The following LDLRAD4 variants were observed in gnomAD, a reference collection of about 807,000 sequenced individuals.
LDLRAD4 encodes the protein low density lipoprotein receptor class A domain containing 4, also known as low-density lipoprotein receptor class A domain-containing protein 4.
A neutral mutation model predicts 17.0 loss-of-function variants in LDLRAD4; 5 were observed. The observed-to-expected ratio is 0.29, with a 90% CI of 0.15 to 0.62. LDLRAD4 has a LOEUF of 0.62. LDLRAD4 is among the 20% of genes least tolerant of loss of function. The pLI is 0.84. For missense variants in LDLRAD4, 340 were observed against 424.7 expected (o/e 0.80, Z 1.75); for synonymous variants, 168 against 171.8 (o/e 0.98, Z 0.17).
chr18:13,257,174 C>T (rs1331371698), intron 1 of LDLRAD4, among the ~76,000 whole-genome samples: 1 of 152,210 alleles, frequency 6.6e-6, no homozygotes, highest in Non-Finnish European at 1.5e-5. Context: ...GGCCCTGGCT[C>T]AGAAAGGCCT....
chr18:13,542,673 G>T (rs188268530), intron 3 of LDLRAD4, among the ~76,000 whole-genome samples: 155 of 152,274 alleles, frequency 1.0e-3, no homozygotes, highest in African/African-American at 2.8e-3. Flanking sequence ...CGGGGCGGGC[G>T]GAGGTGGGTG....
chr18:13,352,324 G>T (rs1291642167), intron 1 of LDLRAD4, among the ~76,000 whole-genome samples: 1 of 152,176 alleles, frequency 6.6e-6, no homozygotes, highest in Non-Finnish European at 1.5e-5. Context: ...ACGTCAAATT[G>T]TCTCATTTTT....
intron 3 of LDLRAD4, among the ~76,000 whole-genome samples, chr18:13,457,893 T>C (rs1247007956): frequency 6.6e-6 from 1 of 152,228 alleles, no homozygotes; most frequent in Admixed American, 6.5e-5. Flanking sequence ...GGGAGTTTCC[T>C]GTCCTTCACT....
At chr18:13,499,970 C>T (rs1304989155) in intron 3 of LDLRAD4, among the ~76,000 whole-genome samples, 1 of 152,230 alleles carries the variant, frequency 6.6e-6, no homozygotes, top group Non-Finnish European at 1.5e-5. Context: ...TTCCTTTCCT[C>T]CTCCTCTCCA....
Position 13,572,530 on chromosome 18 carries a change from G to A in LDLRAD4, c.182-48587G>A, listed in dbSNP as rs181871013. Reference sequence around the variant, plus strand: ...AGGGATCCTTCAGTCCTTGTCAAGAGGGTTCCTGAATCTTTTATTTGGCTT... The same window carrying A: ...AGGGATCCTTCAGTCCTTGTCAAGAAGGTTCCTGAATCTTTTATTTGGCTT... On this transcript the variant is annotated intron_variant, in intron 3 of 5. Coordinates refer to ENST00000359446, the Ensembl canonical transcript of LDLRAD4. Among the ~76,000 whole-genome samples the A allele has an allele frequency of 2.1e-3, 316 of 152,308 alleles. 1 individual carries two copies. Among genetic ancestry groups the A allele is most frequent in the Non-Finnish European group, 3.7e-3 (251 of 68,034 alleles).
chr18:13,405,318 T>G (rs1048444064), intron 2 of LDLRAD4, among the ~76,000 whole-genome samples: 1 of 152,054 alleles, frequency 6.6e-6, no homozygotes. Flanking sequence ...GGTGGCAGAG[T>G]TGGACTTTCT....
chr18:13,276,288 A>G (rs1484366778), upstream of LDLRAD4, among the ~76,000 whole-genome samples: 1 of 152,206 alleles, frequency 6.6e-6, no homozygotes, highest in Non-Finnish European at 1.5e-5. Context: ...AATTACAGAC[A>G]TGAGCCACCG....
intron 3 of LDLRAD4, among the ~76,000 whole-genome samples, chr18:13,575,583 C>A (rs1056747030): frequency 2.6e-5 from 4 of 152,236 alleles, no homozygotes; most frequent in Admixed American, 6.5e-5. Context: ...GGGTAGATAC[C>A]CAGTAGTGGG....
intron 2 of LDLRAD4, among the ~76,000 whole-genome samples, chr18:13,406,938 C>T (rs2087820406): frequency 6.6e-6 from 1 of 152,064 alleles, no homozygotes; most frequent in Admixed American, 6.5e-5. Context: ...CAGACACTGA[C>T]TCAGCAATAA....
At chr18:13,580,597 C>T (rs923986142) in intron 3 of LDLRAD4, among the ~76,000 whole-genome samples, 2 of 152,098 alleles carry the variant, frequency 1.3e-5, no homozygotes, top group South Asian at 2.1e-4. Flanking sequence ...AATGTGCAGG[C>T]GATGGCACGG....
chr18:13,348,537 G>C (rs1188174555), intron 1 of LDLRAD4, among the ~76,000 whole-genome samples: 1 of 152,184 alleles, frequency 6.6e-6, no homozygotes, highest in Non-Finnish European at 1.5e-5. Flanking sequence ...ACTTGAGGAG[G>C]CAGTCTGTCC....
intron 1 of LDLRAD4, among the ~76,000 whole-genome samples, chr18:13,341,158 C>T (rs1319109973): frequency 2.0e-5 from 3 of 151,760 alleles, no homozygotes; most frequent in Non-Finnish European, 2.9e-5. Flanking sequence ...AATCAGGAAT[C>T]GTGAGTCCTC....
At chr18:13,254,173 GTCGCGCCGTGA>G (rs1170901487) in intron 1 of LDLRAD4, among the ~76,000 whole-genome samples, 2 of 152,260 alleles carry the variant, frequency 1.3e-5, no homozygotes, top group Non-Finnish European at 2.9e-5. Context: ...GACGGGCGGT[GTCGCGCCGTGA>G]AGGCAGAAGA....
At chr18:13,324,844 C>G (rs1027692386) in intron 1 of LDLRAD4, among the ~76,000 whole-genome samples, 1 of 152,166 alleles carries the variant, frequency 6.6e-6, no homozygotes, top group African/African-American at 2.4e-5. Context: ...GGAAAGAAAA[C>G]AGCAGAGGTA....
intron 3 of LDLRAD4, among the ~76,000 whole-genome samples, chr18:13,509,378 C>T (rs9958516): frequency 0.38 from 57,249 of 152,016 alleles, 11,845 homozygotes; most frequent in Middle Eastern, 0.56. Flanking sequence ...CTGGATGACT[C>T]TGAGGGATTT....
intron 1 of LDLRAD4, among the ~76,000 whole-genome samples, chr18:13,236,049 C>T (rs1199162684): frequency 6.6e-6 from 1 of 152,156 alleles, no homozygotes; most frequent in Non-Finnish European, 1.5e-5. Flanking sequence ...TAAAAAGTCA[C>T]TTTCTGAAAA....
intron 1 of LDLRAD4, among the ~76,000 whole-genome samples, chr18:13,323,185 G>A (rs2081347415): frequency 6.6e-6 from 1 of 152,218 alleles, no homozygotes; most frequent in African/African-American, 2.4e-5. Context: ...TTAAAAGATA[G>A]GTCTTTATCC....
chr18:13,429,550 C>T (rs1363209199), intron 2 of LDLRAD4, among the ~76,000 whole-genome samples: 1 of 152,206 alleles, frequency 6.6e-6, no homozygotes, highest in Non-Finnish European at 1.5e-5. Context: ...GAGCAGGCGA[C>T]GGAAGTACCA....
chr18:13,316,763 A>G (rs1275775080), intron 1 of LDLRAD4, among the ~76,000 whole-genome samples: 2 of 152,224 alleles, frequency 1.3e-5, no homozygotes. Context: ...CAAAGTAACC[A>G]CTAAAATACT....
Sources: allele counts gnomAD v4.1 joint callset (sites outside exome capture counted in the v4.1 genomes callset), GRCh38; gene constraint gnomAD v4.1.1; transcripts MANE v1.5; gene names NCBI Gene and HGNC (gene_info 2026-07-23, HGNC 2026-07-21).